The following SMARCC2 variants were observed in gnomAD, a reference collection of about 807,000 sequenced individuals.
SMARCC2 encodes the protein SWI/SNF complex subunit SMARCC2.
In SMARCC2, 15 loss-of-function variants were observed where a neutral mutation model predicts 151.3. That is an observed-to-expected ratio of 0.10 (90% CI 0.07 to 0.15). The LOEUF (loss-of-function observed/expected upper bound fraction) is 0.15. Ranked by LOEUF, SMARCC2 falls within the 10% of genes least tolerant of loss-of-function variation. SMARCC2 has a pLI of 1.00. For synonymous variants in SMARCC2, 590 were observed against 609.5 expected, an observed-to-expected ratio of 0.97 and a Z score of 0.47; for missense variants, 1,031 against 1,599.7, an observed-to-expected ratio of 0.64 and a Z score of 6.06.
chr12:56,174,914 C>T (rs1200695921), intron 15 of SMARCC2, 150 bp from the exon 16 acceptor site: 1 of 600,192 alleles, frequency 1.7e-6, no homozygotes, highest in South Asian at 2.0e-5. Flanking sequence ...TGAGTGCCTG[C>T]TATGTGCTAG....
In SMARCC2 at chr12:56,169,571, G is replaced by A. The variant is rs781082341; in HGVS notation, c.2673C>T (p.Thr891=). ...CGGCGGCCAGGGCGGCGGCAGCAGC[G>A]GTGGAGAGGTTGCCCTCGCCAATGT... The part of the protein sequence containing the change: ...ERDIGEGNLS[T]AAAAALAAAA... The change falls in exon 25 of 29, where the codon ACC becomes ACT. Residue 891 remains threonine, a synonymous_variant. Transcript: ENST00000550164. The A allele has an allele frequency of 9.9e-6, 16 of 1,614,146 alleles. No individual in the cohort carries two copies. Among genetic ancestry groups the A allele is most frequent in the Middle Eastern group, 1.6e-4 (1 of 6,062 alleles).
chr12:56,165,525 C>T lies in SMARCC2; in HGVS notation c.3025G>A (p.Ala1009Thr), dbSNP rs1372337022. ...GSQPIPPTGA[A>T]GPPAVHGLAV... ...AAGCCATGGACTGCGGGTGGCCCAG[C>T]AGCCCCTGTTGGGGGGATAGGCTGG... The change falls in exon 27 of 29, where the codon GCT becomes ACT. Residue 1009 changes from alanine to threonine, a missense_variant. Physicochemically the swap from Ala to Thr is moderately conservative, Grantham distance 58. Coordinates refer to ENST00000550164, the MANE Select transcript of SMARCC2 (RefSeq NM_001330288.2). 1.2e-5 allele frequency: 20 copies of T among 1,606,114 alleles called. No individual in the cohort carries two copies. The highest frequency in any genetic ancestry group is 1.4e-5 in the Non-Finnish European group (17 of 1,175,966).
At chr12:56,180,837 T>C (rs1592314034) in intron 11 of SMARCC2, 140 bp downstream of exon 11, 1 of 866,124 alleles carries the variant, frequency 1.2e-6, no homozygotes, top group Non-Finnish European at 1.8e-6. Flanking sequence ...ATGACCGTAA[T>C]TCCAATAACC....
chr12:56,167,763 A>T (rs79007724), intron 26 of SMARCC2, among the ~76,000 whole-genome samples: 20 of 151,936 alleles, frequency 1.3e-4, no homozygotes, highest in Non-Finnish European at 2.8e-4. Context: ...CAGTCCCCAG[A>T]CTTCACTTGT....
chr12:56,165,798 T>C, intron 26 of SMARCC2, 99 bp from the exon 27 acceptor site: 2 of 1,252,866 alleles, frequency 1.6e-6, no homozygotes, highest in African/African-American at 1.5e-5. Context: ...AGCCTGCCTC[T>C]CAATCAGAAG....
intron 1 of SMARCC2, among the ~76,000 whole-genome samples, 155 bp downstream of exon 1, chr12:56,189,196 G>A (rs1398546748): frequency 1.4e-5 from 2 of 146,044 alleles, no homozygotes; most frequent in Non-Finnish European, 3.0e-5. Flanking sequence ...CTGGGGGAGG[G>A]GCGCGGGAGC....
rs1224422947 is a variant in SMARCC2, at chr12:56,172,615, G to A, written c.1833C>T (p.Asp611=). Residue 611 remains aspartate, a synonymous_variant, in exon 19 of 29, where the codon GAC becomes GAT. Coordinates refer to ENST00000550164, the MANE Select transcript of SMARCC2 (RefSeq NM_001330288.2). ...TDMQNFGLRT[D]MYTKKNVPSK... Reference sequence around the variant, plus strand: ...AGGGAACATTCTTTTTTGTGTACATGTCTGTGCGCAGCCCAAAGTTTTGCA... The same window carrying A: ...AGGGAACATTCTTTTTTGTGTACATATCTGTGCGCAGCCCAAAGTTTTGCA... The A allele has an allele frequency of 1.2e-6, 2 of 1,614,082 alleles. No homozygotes were observed. Among genetic ancestry groups the A allele is most frequent in the Admixed American group, 3.3e-5 (2 of 60,008 alleles).
intron 15 of SMARCC2, among the ~76,000 whole-genome samples, chr12:56,177,165 C>T (rs893209721): frequency 1.3e-5 from 2 of 151,702 alleles, no homozygotes; most frequent in African/African-American, 2.4e-5. Context: ...AGCATGGTCG[C>T]GATCTCCTGA....
chr12:56,182,678 A>G (rs987125410), intron 7 of SMARCC2, among the ~76,000 whole-genome samples: 2 of 150,424 alleles, frequency 1.3e-5, no homozygotes, highest in Admixed American at 1.3e-4. Flanking sequence ...GCTGGTCTTG[A>G]ACTTCCAGCC....
chr12:56,177,411 AT>A (rs1367220454), intron 15 of SMARCC2, among the ~76,000 whole-genome samples: 1 of 151,772 alleles, frequency 6.6e-6, no homozygotes, highest in East Asian at 1.9e-4. Flanking sequence ...GGCCCAGCTA[AT>A]TTTTTTTCAC....
chr12:56,189,399 C>T lies in SMARCC2; in HGVS notation c.63G>A (p.Val21=). 1 of 1,542,918 alleles carries T rather than the reference C, an allele frequency of 6.5e-7. No individual in the cohort carries two copies. Among genetic ancestry groups the T allele is most frequent in the South Asian group, 1.2e-5 (1 of 84,432 alleles). Residue 21 remains valine, a synonymous_variant, in exon 1 of 29, where the codon GTG becomes GTA. Transcript: ENST00000550164. ...NVKYYEAADT[V]TQFDNVRLWL... ...ACAGCCGCACGTTGTCGAACTGGGT[C>T]ACGGTGTCCGCGGCCTCGTAGTACT...
At chr12:56,168,374 C>T (rs1417326867) in intron 25 of SMARCC2, among the ~76,000 whole-genome samples, 180 bp from the exon 26 acceptor site, 23 of 150,428 alleles carry the variant, frequency 1.5e-4, no homozygotes, top group Admixed American at 1.5e-3. Flanking sequence ...TGTCTTTTTT[C>T]TTTTTTCTTT....
rs1304327743 is a variant in SMARCC2, at chr12:56,165,584, T to C, written c.2966A>G (p.Gln989Arg). Residue 989 changes from glutamine to arginine, a missense_variant, in exon 27 of 29, where the codon CAG becomes CGG. Physicochemically the swap from Gln to Arg is conservative, Grantham distance 43 (BLOSUM62 1). Transcript: ENST00000550164. ...QQHFQQMHQQ[Q>R]QQPPPALPPG... is the part of the protein sequence containing the mutation. Reference sequence around the variant, plus strand: ...GGGCAGGGCTGGTGGTGGCTGCTGCTGCTGTTGGTGCATCTGTTGGAAGTG... The same window carrying C: ...GGGCAGGGCTGGTGGTGGCTGCTGCCGCTGTTGGTGCATCTGTTGGAAGTG... 2 of 1,613,798 alleles carry C rather than the reference T, an allele frequency of 1.2e-6. No individual in the cohort carries two copies. Among genetic ancestry groups the C allele is most frequent in the Non-Finnish European group, 1.7e-6 (2 of 1,180,024 alleles).
chr12:56,165,369 C>T lies in SMARCC2; in HGVS notation c.3181G>A (p.Ala1061Thr). ...GGTGGGACTGCCCCAGGCTGGGGGG[C>T]TCCAGCTGGTTGCTGCTGCTGTGGC... The part of the protein sequence containing the change: ...AGPQQQQPAG[A>T]PQPGAVPPGV... Residue 1061 changes from alanine to threonine, a missense_variant, in exon 27 of 29, where the codon GCC becomes ACC. Ala to Thr is a moderately conservative substitution (Grantham distance 58). Transcript: ENST00000550164. 9 of 1,505,198 alleles carry T rather than the reference C, an allele frequency of 6.0e-6. No homozygotes were observed. The highest frequency in any genetic ancestry group is 7.1e-6 in the Non-Finnish European group (8 of 1,129,938). The allele number at this position is 1,505,198 out of a possible 1,614,324, so 93.2% of individuals were successfully genotyped here. A position where few individuals can be genotyped will look rare whatever the true frequency, so the allele number is the denominator to read the frequency against.
At chr12:56,167,999 C>CAT in intron 26 of SMARCC2, 61 bp downstream of exon 26, 1 of 1,526,878 alleles carries the variant, frequency 6.5e-7, no homozygotes, top group Admixed American at 1.7e-5. Context: ...CACACACACA[C>CAT]GCCCCTCCGA....
chr12:56,185,994 G>T, intron 3 of SMARCC2, 161 bp downstream of exon 3: 1 of 628,020 alleles, frequency 1.6e-6, no homozygotes, highest in Non-Finnish European at 2.8e-6. Flanking sequence ...GACTGTTTTG[G>T]CTCTGACTCC....
intron 1 of SMARCC2, 39 bp downstream of exon 1, chr12:56,189,312 C>T (rs1224310036): frequency 1.5e-6 from 2 of 1,340,100 alleles, no homozygotes; most frequent in Non-Finnish European, 2.0e-6. Flanking sequence ...CCCTTTGTCC[C>T]GCCCCCGGTC....
In SMARCC2 at chr12:56,171,997, T is replaced by TC. The variant is rs1367549171; in HGVS notation, c.1927-61dup. The TC allele has an allele frequency of 6.7e-7, 1 of 1,498,196 alleles. No individual in the cohort carries two copies. The highest frequency in any genetic ancestry group is 2.3e-5 in the East Asian group (1 of 43,774). The allele number at this position is 1,498,196 out of a possible 1,614,324, so 92.8% of individuals were successfully genotyped here. ...TTAGCCACTTTTCTCGAAGGCTGAC[T>TC]CCCCCCATCCTACTAAGGGCAGCTG... On this transcript the variant is annotated intron_variant, in intron 20 of 28. Coordinates refer to ENST00000550164, the MANE Select transcript of SMARCC2 (RefSeq NM_001330288.2). The surrounding 1 kb of genome is among the most constrained non-coding windows in gnomAD (Gnocchi z 4.2).
chr12:56,173,093 G>A (rs1874263994), intron 17 of SMARCC2, 64 bp from the exon 18 acceptor site: 1 of 1,477,610 alleles, frequency 6.8e-7, no homozygotes, highest in Non-Finnish European at 9.4e-7. Context: ...GGCCCTGGAG[G>A]CCTCAAGACC....
Sources: allele counts gnomAD v4.1 joint callset (sites outside exome capture counted in the v4.1 genomes callset), GRCh38; gene constraint gnomAD v4.1.1; non-coding constraint Gnocchi (gnomAD v3.1); transcripts MANE v1.5; gene names NCBI Gene and HGNC (gene_info 2026-07-23, HGNC 2026-07-21).